Variants in ZNF804B observed in about 807,000 individuals in gnomAD.
The protein encoded by ZNF804B is zinc finger protein 804B.
A neutral mutation model predicts 101.4 loss-of-function variants in ZNF804B; 80 were observed. That is an observed-to-expected ratio of 0.79 (90% CI 0.66 to 0.95). The LOEUF (loss-of-function observed/expected upper bound fraction) is 0.95, where lower values mean the gene tolerates loss of function less well. Ranked by LOEUF, ZNF804B falls within the 40% of genes least tolerant of loss-of-function variation. ZNF804B has a pLI of 0.00. For synonymous variants in ZNF804B, 622 were observed against 558.8 expected (o/e 1.11, Z -1.59); for missense variants, 1,673 against 1,561.9 (o/e 1.07, Z -1.20).
intron 1 of ZNF804B, among the ~76,000 whole-genome samples, chr7:89,126,440 G>T (rs139775143): frequency 6.6e-6 from 1 of 151,998 alleles, no homozygotes; most frequent in African/African-American, 2.4e-5. Context: ...AATACACAAA[G>T]AAATCCCCAC....
chr7:88,848,558 G>A (rs2115823326), intron 1 of ZNF804B, among the ~76,000 whole-genome samples: 1 of 151,438 alleles, frequency 6.6e-6, no homozygotes, highest in South Asian at 2.1e-4. Flanking sequence ...TGAAGAAACT[G>A]TGAAATCTGA....
chr7:89,335,629 C>G lies in ZNF804B; in HGVS notation c.2647C>G (p.Leu883Val). The G allele has an allele frequency of 6.2e-7, 1 of 1,613,940 alleles. No homozygotes were observed. Among genetic ancestry groups the G allele is most frequent in the South Asian group, 1.1e-5 (1 of 91,080 alleles). ...TTTGGGCAGCCCTCACATTTGTGAT[C>G]TGGGAAAAGTCAGGCCCATGAAGTG... ...ESLGSPHICD[L>V]GKVRPMKCNS... Residue 883 changes from leucine to valine, a missense_variant, in exon 4 of 4, where the codon CTG becomes GTG. Coordinates refer to ENST00000333190, the MANE Select transcript of ZNF804B (RefSeq NM_181646.5).
At chr7:89,036,992 T>C (rs1788939537) in intron 1 of ZNF804B, among the ~76,000 whole-genome samples, 1 of 152,170 alleles carries the variant, frequency 6.6e-6, no homozygotes, top group Non-Finnish European at 1.5e-5. Flanking sequence ...GTCTCCAAAA[T>C]GCCTCTGGGT....
intron 1 of ZNF804B, among the ~76,000 whole-genome samples, chr7:89,057,316 TTAACTA>T (rs1161765580): frequency 2.0e-5 from 3 of 151,994 alleles, no homozygotes; most frequent in African/African-American, 7.2e-5. Context: ...GGATTGATGC[TTAACTA>T]TAACTATATT....
intron 1 of ZNF804B, among the ~76,000 whole-genome samples, chr7:89,210,812 C>A (rs534209442): frequency 1.3e-5 from 2 of 152,190 alleles, no homozygotes; most frequent in East Asian, 1.9e-4. Flanking sequence ...ACATGGTATG[C>A]GTGTATTTCT....
At chr7:88,786,587 T>C (rs1790306365) in intron 1 of ZNF804B, among the ~76,000 whole-genome samples, 1 of 152,074 alleles carries the variant, frequency 6.6e-6, no homozygotes, top group East Asian at 1.9e-4. Flanking sequence ...TCCTAGGAGT[T>C]CCTCACTTAT....
intron 1 of ZNF804B, among the ~76,000 whole-genome samples, chr7:89,188,860 G>C (rs1468825097): frequency 2.0e-5 from 3 of 152,078 alleles, no homozygotes; most frequent in African/African-American, 7.2e-5. Flanking sequence ...TAGTTCATGA[G>C]GTTTAAAGAA....
At chr7:89,172,810 G>A (rs1791257181) in intron 1 of ZNF804B, among the ~76,000 whole-genome samples, 1 of 152,084 alleles carries the variant, frequency 6.6e-6, no homozygotes, top group Admixed American at 6.6e-5. Flanking sequence ...TTTGGAATTG[G>A]TCTTTGACTA....
At chr7:89,292,149 A>G (rs892039596) in intron 2 of ZNF804B, among the ~76,000 whole-genome samples, 1 of 142,210 alleles carries the variant, frequency 7.0e-6, no homozygotes, top group Non-Finnish European at 1.6e-5. Context: ...GAAATAATAA[A>G]GGAACTTTTT....
intron 1 of ZNF804B, among the ~76,000 whole-genome samples, chr7:88,867,566 A>G (rs556468477): frequency 9.2e-5 from 14 of 152,212 alleles, no homozygotes; most frequent in Non-Finnish European, 1.8e-4. Context: ...ACAGACTCAC[A>G]TGCCAATCTC....
At position 88,913,648 on chromosome 7, in the gene ZNF804B, G is replaced by A. The variant is rs578202348; in HGVS notation, c.108+153564G>A. Among the ~76,000 whole-genome samples the A allele has an allele frequency of 5.3e-5, 8 of 152,122 alleles. No individual in the cohort carries two copies. In the East Asian group the frequency reaches 5.8e-4, roughly 11 times the overall value. On this transcript the variant is annotated intron_variant, in intron 1 of 3. Transcript: ENST00000333190. ...TGACCTCAGGTGATCCACCCGCCTC[G>A]GCCTCCCAAAGTGCTGGGATTACAG...
At chr7:88,815,220 T>G (rs1583953963) in intron 1 of ZNF804B, among the ~76,000 whole-genome samples, 1 of 147,914 alleles carries the variant, frequency 6.8e-6, no homozygotes, top group East Asian at 2.0e-4. Context: ...ATATATAACA[T>G]TTTAAAAGTT....
At chr7:89,202,914 C>T (rs1400604802) in intron 1 of ZNF804B, among the ~76,000 whole-genome samples, 2 of 152,050 alleles carry the variant, frequency 1.3e-5, no homozygotes, top group African/African-American at 2.4e-5. Flanking sequence ...AACTTCTATT[C>T]GTATTGTAGC....
At chr7:88,940,377 A>G (rs1793038594) in intron 1 of ZNF804B, among the ~76,000 whole-genome samples, 1 of 152,086 alleles carries the variant, frequency 6.6e-6, no homozygotes, top group Non-Finnish European at 1.5e-5. Flanking sequence ...AAGAATAAAA[A>G]TTAGATAAGT....
At chr7:89,151,699 T>C (rs1362222240) in intron 1 of ZNF804B, among the ~76,000 whole-genome samples, 1 of 123,522 alleles carries the variant, frequency 8.1e-6, no homozygotes, top group African/African-American at 3.0e-5. Flanking sequence ...TCAGATCTCC[T>C]GAAAAAAAAA....
intron 1 of ZNF804B, among the ~76,000 whole-genome samples, chr7:88,762,615 A>AT (rs1218552568): frequency 2.0e-5 from 3 of 151,570 alleles, no homozygotes; most frequent in African/African-American, 4.9e-5. Flanking sequence ...AACTTTATTG[A>AT]TTTTTTTCCT....
chr7:89,028,019 A>G (rs1165070580), intron 1 of ZNF804B, among the ~76,000 whole-genome samples: 1 of 152,134 alleles, frequency 6.6e-6, no homozygotes, highest in Non-Finnish European at 1.5e-5. Flanking sequence ...TTGCTTGTCT[A>G]ATAAAGTGCT....
intron 2 of ZNF804B, among the ~76,000 whole-genome samples, chr7:89,316,949 ATCTTTT>A: frequency 6.6e-6 from 1 of 152,304 alleles, no homozygotes; most frequent in Admixed American, 6.5e-5. Flanking sequence ...AAAGGCAAAG[ATCTTTT>A]GTCACTTAAA....
At chr7:88,794,097 A>G in intron 1 of ZNF804B, 1 of 1,112,916 alleles carries the variant, frequency 9.0e-7, no homozygotes, top group South Asian at 1.7e-5. Context: ...TTCTTTTAAA[A>G]GACACCAGTA....
Sources: allele counts gnomAD v4.1 joint callset (sites outside exome capture counted in the v4.1 genomes callset), GRCh38; gene constraint gnomAD v4.1.1; transcripts MANE v1.5; gene names NCBI Gene and HGNC (gene_info 2026-07-23, HGNC 2026-07-21).